The following KCND2 variants were observed in gnomAD, a reference collection of about 807,000 sequenced individuals.
The protein encoded by KCND2 is A-type voltage-gated potassium channel KCND2.
Under a neutral mutation model 54.4 loss-of-function variants are expected in KCND2, and 16 were observed. The observed-to-expected ratio is 0.29, with a 90% CI of 0.20 to 0.45. KCND2 has a LOEUF of 0.45. Ranked by LOEUF, KCND2 falls within the 20% of genes least tolerant of loss-of-function variation. KCND2 has a pLI of 1.00. For missense variants in KCND2, 486 were observed against 824.2 expected, an observed-to-expected ratio of 0.59 and a Z score of 5.02; for synonymous variants, 317 against 310.7, an observed-to-expected ratio of 1.02 and a Z score of -0.21.
At chr7:120,508,566 T>A (rs1803063112) in intron 1 of KCND2, among the ~76,000 whole-genome samples, 1 of 151,966 alleles carries the variant, frequency 6.6e-6, no homozygotes, top group Non-Finnish European at 1.5e-5. Flanking sequence ...TTAAATCATA[T>A]CTTCCAAAAT....
chr7:120,591,790 A>G (rs1050218718), intron 1 of KCND2, among the ~76,000 whole-genome samples: 1 of 152,220 alleles, frequency 6.6e-6, no homozygotes, highest in South Asian at 2.1e-4. Flanking sequence ...AGATAAAGCA[A>G]GTAAAAGTGT....
intron 1 of KCND2, among the ~76,000 whole-genome samples, chr7:120,447,886 G>A (rs556548234): frequency 1.1e-4 from 16 of 151,566 alleles, no homozygotes; most frequent in African/African-American, 3.6e-4. Context: ...GCCAGACATG[G>A]AATAAACACA....
chr7:120,456,902 A>C (rs998825027), intron 1 of KCND2, among the ~76,000 whole-genome samples: 1 of 152,210 alleles, frequency 6.6e-6, no homozygotes, highest in African/African-American at 2.4e-5. Flanking sequence ...TCCTGCAGCA[A>C]ACTTCTGCCT....
intron 1 of KCND2, among the ~76,000 whole-genome samples, chr7:120,540,753 A>G (rs1402728933): frequency 1.3e-5 from 2 of 152,196 alleles, no homozygotes; most frequent in African/African-American, 4.8e-5. Context: ...TAATGGATCA[A>G]ATTTATCAAA....
chr7:120,424,454 A>G (rs958683970), intron 1 of KCND2, among the ~76,000 whole-genome samples: 1 of 152,248 alleles, frequency 6.6e-6, no homozygotes, highest in African/African-American at 2.4e-5. Flanking sequence ...TAAGATGGTG[A>G]TATCAGCATT....
chr7:120,720,842 A>G (rs1300450035), intron 1 of KCND2, among the ~76,000 whole-genome samples: 1 of 152,060 alleles, frequency 6.6e-6, no homozygotes, highest in Non-Finnish European at 1.5e-5. Context: ...ACTTGATGTG[A>G]TTTTTATTTG....
chr7:120,354,249 T>C (rs1800463193), intron 1 of KCND2, among the ~76,000 whole-genome samples: 1 of 152,092 alleles, frequency 6.6e-6, no homozygotes, highest in Non-Finnish European at 1.5e-5. Context: ...TACTACAGGT[T>C]TTGCAACTTT....
At chr7:120,445,528 A>G (rs1802007875) in intron 1 of KCND2, among the ~76,000 whole-genome samples, 1 of 152,162 alleles carries the variant, frequency 6.6e-6, no homozygotes, top group African/African-American at 2.4e-5. Context: ...GAGTAATTGT[A>G]AATACTGGAA....
chr7:120,462,837 A>G (rs1394298339), intron 1 of KCND2, among the ~76,000 whole-genome samples: 1 of 152,034 alleles, frequency 6.6e-6, no homozygotes, highest in Non-Finnish European at 1.5e-5. Context: ...TCATACCACT[A>G]CAGTTGATTT....
At chr7:120,399,059 T>C (rs1388425758) in intron 1 of KCND2, among the ~76,000 whole-genome samples, 1 of 152,018 alleles carries the variant, frequency 6.6e-6, no homozygotes, top group Non-Finnish European at 1.5e-5. Flanking sequence ...ACACCCACTT[T>C]ACATTATCTT....
At chr7:120,431,827 T>G (rs887674379) in intron 1 of KCND2, among the ~76,000 whole-genome samples, 7 of 152,114 alleles carry the variant, frequency 4.6e-5, no homozygotes, top group Non-Finnish European at 1.5e-5. Context: ...GTCCCTCTCT[T>G]TTCTCTATCT....
intron 1 of KCND2, among the ~76,000 whole-genome samples, chr7:120,389,924 A>G (rs1584758507): frequency 1.3e-5 from 2 of 152,034 alleles, no homozygotes; most frequent in East Asian, 3.9e-4. Flanking sequence ...TCACCTATTA[A>G]TGAGAGAGAG....
intron 1 of KCND2, among the ~76,000 whole-genome samples, chr7:120,576,126 T>C (rs1465072520): frequency 1.3e-5 from 2 of 152,180 alleles, no homozygotes; most frequent in Non-Finnish European, 2.9e-5. Flanking sequence ...ACCATTTTGA[T>C]ATAGTCTTCT....
chr7:120,351,518 G>A (rs1020290304), intron 1 of KCND2, among the ~76,000 whole-genome samples: 116 of 151,382 alleles, frequency 7.7e-4, no homozygotes, highest in Non-Finnish European at 1.5e-3. Context: ...CCAGGAAGAA[G>A]CATGCAGTAA....
intron 1 of KCND2, among the ~76,000 whole-genome samples, chr7:120,359,151 T>C (rs982018066): frequency 4.6e-5 from 7 of 152,180 alleles, no homozygotes; most frequent in African/African-American, 9.6e-5. Context: ...GTGCTTCATA[T>C]AAGGAAAAAG....
At chr7:120,571,625 T>G (rs183925483) in intron 1 of KCND2, among the ~76,000 whole-genome samples, 6 of 152,330 alleles carry the variant, frequency 3.9e-5, no homozygotes, top group African/African-American at 1.4e-4. Context: ...AATTACTCCT[T>G]AGGGCCCCTC....
At chr7:120,595,483 G>GTA (rs35672951) in intron 1 of KCND2, among the ~76,000 whole-genome samples, 82,443 of 132,736 alleles carry the variant, frequency 0.62, 26,849 homozygotes, top group Middle Eastern at 0.83. Flanking sequence ...ATATATATGT[G>GTA]TATATATATA....
At chr7:120,397,592 A>G (rs909772329) in intron 1 of KCND2, among the ~76,000 whole-genome samples, 4 of 151,930 alleles carry the variant, frequency 2.6e-5, no homozygotes, top group African/African-American at 9.7e-5. Flanking sequence ...TTAACAGCTG[A>G]ATCATAATTT....
rs1584706842 is a variant in KCND2 at position 120,275,621 on chromosome 7, C to T, written c.989C>T (p.Ser330Leu). 1 of 1,610,962 alleles carries T rather than the reference C, an allele frequency of 6.2e-7. No homozygotes were observed. Among genetic ancestry groups the T allele is most frequent in the Non-Finnish European group, 8.5e-7 (1 of 1,179,992 alleles). ...TCAGAATTGGGCTTCTTGCTTTTCT[C>T]GCTCACCATGGCTATCATCATCTTC... is the stretch of plus-strand genomic sequence containing the variant. The part of the protein sequence containing the change: ...CASELGFLLF[S>L]LTMAIIIFAT... Residue 330 changes from serine (S) to leucine (L), a missense_variant, in exon 1 of 6, where the codon TCG (serine) becomes TTG (leucine). Physicochemically the swap from Ser to Leu is moderately radical, Grantham distance 145. Transcript: ENST00000331113.
Sources: gnomAD v4.1 joint callset for allele counts (sites outside exome capture counted in the v4.1 genomes callset) on GRCh38, gnomAD v4.1.1 for gene constraint, MANE v1.5 for transcripts, NCBI Gene and HGNC (gene_info 2026-07-23, HGNC 2026-07-21) for gene names.